SLC25A12: variants seen among roughly 807,000 people sequenced by gnomAD.
SLC25A12 encodes the protein solute carrier family 25 member 12.
A neutral mutation model predicts 83.3 loss-of-function variants in SLC25A12; 32 were observed. The ratio of observed to expected loss-of-function variants is 0.38; its 90% CI spans 0.29 to 0.52. The LOEUF (loss-of-function observed/expected upper bound fraction) is 0.52, where lower values mean the gene tolerates loss of function less well. SLC25A12 is among the 20% of genes least tolerant of loss of function. SLC25A12 has a pLI of 0.84. For missense variants in SLC25A12, 611 were observed against 835.6 expected, an observed-to-expected ratio of 0.73 and a Z score of 3.31; for synonymous variants, 267 against 291.1, an observed-to-expected ratio of 0.92 and a Z score of 0.84.
chr2:171,879,171 T>C (rs1685637234), intron 2 of SLC25A12, among the ~76,000 whole-genome samples: 1 of 152,206 alleles, frequency 6.6e-6, no homozygotes, highest in South Asian at 2.1e-4. Flanking sequence ...AATGTAAAAT[T>C]TTTCCAATGT....
intron 9 of SLC25A12, among the ~76,000 whole-genome samples, chr2:171,826,478 C>T (rs1165110809): frequency 6.6e-6 from 1 of 152,052 alleles, no homozygotes; most frequent in Non-Finnish European, 1.5e-5. Context: ...TGTGGTGGTG[C>T]ACGCCTGTAA....
rs1332746663 is a variant in SLC25A12 at position 171,787,979 on chromosome 2, A to G, written c.1586-32T>C. 7 of 1,610,482 alleles carry G rather than the reference A, an allele frequency of 4.3e-6. No individual in the cohort carries two copies. In the East Asian group the frequency reaches 1.6e-4, roughly 36 times the overall value. On this transcript the variant is annotated intron_variant, in intron 15 of 17. Coordinates refer to ENST00000422440, the MANE Select transcript of SLC25A12 (RefSeq NM_003705.5). Reference sequence around the variant, plus strand: ...GGAGAAAACCACATTTAATTTATCTAGAGTACCTTATAAAAGATAGGAATA... The same window carrying G: ...GGAGAAAACCACATTTAATTTATCTGGAGTACCTTATAAAAGATAGGAATA...
chr2:171,873,692 T>C (rs1414509303), intron 2 of SLC25A12, among the ~76,000 whole-genome samples: 1 of 152,150 alleles, frequency 6.6e-6, no homozygotes, highest in Non-Finnish European at 1.5e-5. Context: ...ATTTCTTATG[T>C]ATCCTTCTAG....
chr2:171,849,342 T>C (rs867169169), intron 4 of SLC25A12, among the ~76,000 whole-genome samples: 1 of 134,696 alleles, frequency 7.4e-6, no homozygotes, highest in Non-Finnish European at 1.7e-5. Context: ...TAGCCTTGAG[T>C]ACTAAAAAAA....
intron 4 of SLC25A12, chr2:171,845,727 C>CA: frequency 2.4e-6 from 1 of 411,880 alleles, no homozygotes; most frequent in Non-Finnish European, 4.9e-6. Context: ...GACGTTCTAC[C>CA]AGTCTAGAGT....
chr2:171,862,557 A>G (rs546350734), intron 3 of SLC25A12, among the ~76,000 whole-genome samples: 28 of 152,278 alleles, frequency 1.8e-4, no homozygotes, highest in African/African-American at 6.7e-4. Flanking sequence ...AACAAGAGAG[A>G]GGAACAGTTA....
At position 171,791,576 on chromosome 2, in the gene SLC25A12, C is replaced by T; in HGVS notation, c.1460G>A (p.Cys487Tyr). 1 of 1,614,014 alleles carries T rather than the reference C, an allele frequency of 6.2e-7. No individual in the cohort carries two copies. The highest frequency in any genetic ancestry group is 8.5e-7 in the Non-Finnish European group (1 of 1,179,910). The change falls in exon 15 of 18, where the codon TGT becomes TAT. Residue 487 changes from cysteine to tyrosine, a missense_variant. Cys to Tyr is a radical substitution (Grantham distance 194). Coordinates refer to ENST00000422440, the MANE Select transcript of SLC25A12 (RefSeq NM_003705.5). ...IFGLYKGAKA[C>Y]FLRDIPFSAI... Reference sequence around the variant, plus strand: ...AGAGAAGGGAATGTCTCGGAGGAAACACGCTTTGGCACCCTGTCACACAGT... The same window carrying T: ...AGAGAAGGGAATGTCTCGGAGGAAATACGCTTTGGCACCCTGTCACACAGT...
chr2:171,860,104 C>T (rs1218182993), intron 3 of SLC25A12, among the ~76,000 whole-genome samples: 1 of 152,082 alleles, frequency 6.6e-6, no homozygotes, highest in East Asian at 1.9e-4. Flanking sequence ...AATGTGAATG[C>T]ACTTAAAGCC....
rs1558928557 is a variant in SLC25A12, at chr2:171,844,349, GTT to G, written c.465+18_465+19del. On this transcript the variant is annotated intron_variant, in intron 5 of 17. Transcript: ENST00000422440. ...AGAAGAATAGTATATATTGATACCT[GTT>G]ATGAAAACTAAGCTCACCTGGAGAA... 3 of 1,612,084 alleles carry G rather than the reference GTT, an allele frequency of 1.9e-6. No homozygotes were observed. Among genetic ancestry groups the G allele is most frequent in the Non-Finnish European group, 2.5e-6 (3 of 1,178,304 alleles).
At chr2:171,814,601 C>T (rs987698727) in intron 10 of SLC25A12, among the ~76,000 whole-genome samples, 7 of 151,604 alleles carry the variant, frequency 4.6e-5, no homozygotes, top group African/African-American at 1.7e-4. Flanking sequence ...AGGTATTAAT[C>T]CCAGCATCCA....
intron 5 of SLC25A12, among the ~76,000 whole-genome samples, chr2:171,839,139 A>C (rs968683153): frequency 6.6e-6 from 1 of 152,204 alleles, no homozygotes; most frequent in African/African-American, 2.4e-5. Context: ...GAAGAATCTT[A>C]AACACTAATC....
chr2:171,818,624 T>C (rs1356310755), intron 9 of SLC25A12, among the ~76,000 whole-genome samples: 1 of 151,806 alleles, frequency 6.6e-6, no homozygotes, highest in African/African-American at 2.4e-5. Context: ...ATACAAAAGT[T>C]AGCCAGGCAT....
At chr2:171,840,908 G>C (rs112257314) in intron 5 of SLC25A12, among the ~76,000 whole-genome samples, 7 of 152,122 alleles carry the variant, frequency 4.6e-5, no homozygotes, top group African/African-American at 1.7e-4. Flanking sequence ...AGTCAGAGTG[G>C]AAAAAGTTTC....
intron 12 of SLC25A12, 21 bp from the exon 13 acceptor site, chr2:171,809,707 A>G: frequency 2.5e-6 from 4 of 1,576,578 alleles, no homozygotes; most frequent in Non-Finnish European, 3.5e-6. Context: ...AGACAACATC[A>G]GTTAACCAAA....
At position 171,783,604 on chromosome 2, in the gene SLC25A12, C is replaced by T. The variant is rs1326095038; in HGVS notation, c.*1670G>A. Among the ~76,000 whole-genome samples, 2 of 152,082 alleles carry T rather than the reference C, an allele frequency of 1.3e-5. No homozygotes were observed. The highest frequency in any genetic ancestry group is 6.6e-5 in the Admixed American group (1 of 15,262). On this transcript the variant is annotated 3_prime_UTR_variant, in exon 18 of 18. Transcript: ENST00000422440. ...CCTGTTAGCAGTGATTACCTCTGGG[C>T]CAGGAAGTGGTGGAGGTAGAAGGAG...
At chr2:171,831,472 T>C (rs1239832207) in intron 8 of SLC25A12, among the ~76,000 whole-genome samples, 1 of 152,198 alleles carries the variant, frequency 6.6e-6, no homozygotes, top group African/African-American at 2.4e-5. Flanking sequence ...AAAGAAATTT[T>C]ATATGAGAAA....
Position 171,795,073 on chromosome 2 carries a change from C to G in SLC25A12, c.1306-1306G>C, listed in dbSNP as rs546332095. Among the ~76,000 whole-genome samples, 15 of 152,326 alleles carry G rather than the reference C, an allele frequency of 9.8e-5. No homozygotes were observed. In the East Asian group the frequency reaches 2.9e-3, roughly 29 times the overall value. On this transcript the variant is annotated intron_variant, in intron 13 of 17. Coordinates refer to ENST00000422440, the MANE Select transcript of SLC25A12 (RefSeq NM_003705.5). Reference sequence around the variant, plus strand: ...CCCTATTCCAATCCTGACTCCTTAACTCCTTTCAATATTCAAAATTGCCAG... The same window carrying G: ...CCCTATTCCAATCCTGACTCCTTAAGTCCTTTCAATATTCAAAATTGCCAG...
At chr2:171,884,731 C>T (rs182303093) in intron 2 of SLC25A12, among the ~76,000 whole-genome samples, 99 of 150,042 alleles carry the variant, frequency 6.6e-4, no homozygotes, top group Non-Finnish European at 9.2e-4. Context: ...GCTGAGACTG[C>T]GCCATTGCAC....
At chr2:171,788,874 A>G (rs1002286199) in intron 15 of SLC25A12, 1 of 152,246 alleles carries the variant, frequency 6.6e-6, no homozygotes, top group African/African-American at 2.4e-5. Flanking sequence ...AGACTTCTGA[A>G]TGTTCTCAGT....
Sources: allele counts gnomAD v4.1 joint callset (sites outside exome capture counted in the v4.1 genomes callset), GRCh38; gene constraint gnomAD v4.1.1; transcripts MANE v1.5; gene names NCBI Gene and HGNC (gene_info 2026-07-23, HGNC 2026-07-21).